EMID1: variants seen among roughly 807,000 people sequenced by gnomAD.
EMID1 encodes EMI domain containing 1.
In EMID1, 40 loss-of-function variants were observed where a neutral mutation model predicts 60.6. The ratio of observed to expected loss-of-function variants is 0.66; its 90% CI spans 0.51 to 0.86. The LOEUF (loss-of-function observed/expected upper bound fraction) is 0.86. Among genes scored for constraint, EMID1 ranks in the 40% least tolerant of loss-of-function variants. The pLI is 0.00. For missense variants in EMID1, 585 were observed against 597.1 expected (o/e 0.98, Z 0.21); for synonymous variants, 242 against 231.0 (o/e 1.05, Z -0.43).
chr22:29,209,882 G>T (rs1196568367), intron 1 of EMID1, among the ~76,000 whole-genome samples: 1 of 152,192 alleles, frequency 6.6e-6, no homozygotes. Context: ...GCTATAGGGA[G>T]TCATGGTGGG....
intron 5 of EMID1, among the ~76,000 whole-genome samples, chr22:29,228,656 T>A (rs2040617420): frequency 6.6e-6 from 1 of 152,234 alleles, no homozygotes; most frequent in African/African-American, 2.4e-5. Context: ...CAATCTGCCG[T>A]GAGTTGGAGC....
intron 1 of EMID1, among the ~76,000 whole-genome samples, 194 bp from the exon 2 acceptor site, chr22:29,214,732 T>G (rs370081010): frequency 4.6e-5 from 7 of 152,002 alleles, no homozygotes; most frequent in African/African-American, 1.7e-4. Flanking sequence ...CCTAGGGCCA[T>G]GACATTCACC....
At chr22:29,217,039 G>A (rs1255725982) in intron 3 of EMID1, among the ~76,000 whole-genome samples, 2 of 152,192 alleles carry the variant, frequency 1.3e-5, no homozygotes, top group African/African-American at 4.8e-5. Flanking sequence ...CCAGCCAGGA[G>A]GGGCAGCTGC....
At chr22:29,230,740 C>A (rs1172738020) in intron 5 of EMID1, among the ~76,000 whole-genome samples, 1 of 152,060 alleles carries the variant, frequency 6.6e-6, no homozygotes, top group African/African-American at 2.4e-5. Context: ...TTGCTTGAGC[C>A]CAGGAGTTCA....
intron 10 of EMID1, 96 bp from the exon 11 acceptor site, chr22:29,234,041 C>T: frequency 7.0e-7 from 1 of 1,430,900 alleles, no homozygotes; most frequent in Non-Finnish European, 9.5e-7. Flanking sequence ...GAGGCCCAGA[C>T]CAAGCTTGAG....
At chr22:29,240,109 G>T (rs916357210) in intron 12 of EMID1, among the ~76,000 whole-genome samples, 45 of 152,210 alleles carry the variant, frequency 3.0e-4, no homozygotes, top group Non-Finnish European at 7.3e-5. Context: ...CACTGCACCT[G>T]GCCTAGGTCT....
chr22:29,259,211 CT>C lies in EMID1; in HGVS notation c.*269del. 2.0e-6 allele frequency: 1 copy of C among 496,972 alleles called. No individual in the cohort carries two copies. Among genetic ancestry groups the C allele is most frequent in the South Asian group, 2.6e-5 (1 of 39,084 alleles). 30.8% of individuals were successfully genotyped at this position (496,972 alleles called of 1,614,324 possible). ...TTCAAGGAGGGATAGAGGTACAAGG[CT>C]TCGTCTCATCTGCTGTCTGAGCATC... is the stretch of plus-strand genomic sequence containing the variant. On this transcript the variant is annotated 3_prime_UTR_variant, in exon 15 of 15. Transcript: ENST00000334018.
chr22:29,231,143 G>C lies in EMID1; in HGVS notation c.586+3G>C. On this transcript the variant is annotated splice_donor_region_variant and intron_variant, in intron 6 of 14. Transcript: ENST00000334018. ...CCCCGGAGATGGAGGCCTCCAGGGT[G>C]AGTGTCAGACTCAGACTCCCCTGTG... is the stretch of plus-strand genomic sequence containing the variant. The C allele has an allele frequency of 6.3e-7, 1 of 1,596,476 alleles. No homozygotes were observed. The highest frequency in any genetic ancestry group is 8.5e-7 in the Non-Finnish European group (1 of 1,172,740).
intron 1 of EMID1, among the ~76,000 whole-genome samples, chr22:29,207,533 A>T (rs2039718711): frequency 6.6e-6 from 1 of 152,206 alleles, no homozygotes; most frequent in African/African-American, 2.4e-5. Flanking sequence ...GATGGTGGCG[A>T]CAGCTTAAGG....
Position 29,250,733 on chromosome 22 carries a change from A to ATTTTTT in EMID1, c.1120-3440_1120-3435dup, listed in dbSNP as rs748172215. ...AGGCATGCACCACCACACCCGGCTA[A>ATTTTTT]TTTTTTTTTTTTTTTTTTTTTTTTT... is the stretch of plus-strand genomic sequence containing the variant. On this transcript the variant is annotated intron_variant, in intron 13 of 14. Transcript: ENST00000334018. Among the ~76,000 whole-genome samples, 56 of 22,488 alleles carry ATTTTTT rather than the reference A, an allele frequency of 2.5e-3. 9 individuals are homozygous for ATTTTTT. Among genetic ancestry groups the ATTTTTT allele is most frequent in the Non-Finnish European group, 4.0e-3 (45 of 11,150 alleles). The allele number at this position is 22,488 out of a possible 152,430, so 14.8% of individuals were successfully genotyped here.
chr22:29,246,804 AT>A (rs1169864814), intron 13 of EMID1, among the ~76,000 whole-genome samples: 4 of 151,850 alleles, frequency 2.6e-5, no homozygotes, highest in Non-Finnish European at 1.5e-5. Flanking sequence ...TTTTCCCCAT[AT>A]TTTTCTTTTT....
chr22:29,233,064 A>T, intron 8 of EMID1: 1 of 383,108 alleles, frequency 2.6e-6, no homozygotes, highest in South Asian at 3.7e-5. Flanking sequence ...GGCACACAGT[A>T]GGTGGTGGAT....
At chr22:29,253,348 C>G (rs1468052528) in intron 13 of EMID1, among the ~76,000 whole-genome samples, 1 of 152,110 alleles carries the variant, frequency 6.6e-6, no homozygotes, top group East Asian at 1.9e-4. Flanking sequence ...TTTGGGAGAC[C>G]GAGGCGGGCA....
At chr22:29,239,422 C>T (rs757771825) in intron 12 of EMID1, among the ~76,000 whole-genome samples, 7 of 152,178 alleles carry the variant, frequency 4.6e-5, no homozygotes, top group Non-Finnish European at 7.4e-5. Context: ...TGAGCCACCA[C>T]GCCCAGGCCT....
intron 13 of EMID1, among the ~76,000 whole-genome samples, chr22:29,244,674 C>T (rs2041269370): frequency 1.3e-5 from 2 of 151,194 alleles, no homozygotes; most frequent in Admixed American, 1.3e-4. Flanking sequence ...AAATAGAAAC[C>T]TTCACAATCA....
chr22:29,231,558 G>A lies in EMID1; in HGVS notation c.587-35G>A, dbSNP rs1416863818. On this transcript the variant is annotated intron_variant, in intron 6 of 14. Transcript: ENST00000334018. Reference sequence around the variant, plus strand: ...GCCAGGGTGGGGGTCAAGAGCAGATGTGGAGCTGCCAGTCTGATATGCTTT... The same window carrying A: ...GCCAGGGTGGGGGTCAAGAGCAGATATGGAGCTGCCAGTCTGATATGCTTT... 3.2e-6 allele frequency: 5 copies of A among 1,546,928 alleles called. No homozygotes were observed. In the South Asian group the frequency reaches 6.0e-5, roughly 18 times the overall value.
intron 14 of EMID1, among the ~76,000 whole-genome samples, chr22:29,257,289 A>T (rs2041738160): frequency 6.6e-6 from 1 of 152,228 alleles, no homozygotes; most frequent in Non-Finnish European, 1.5e-5. Flanking sequence ...CTGAAGACCC[A>T]GATGGGGTTC....
chr22:29,225,045 G>A, intron 3 of EMID1, 88 bp from the exon 4 acceptor site: 1 of 1,359,650 alleles, frequency 7.4e-7, no homozygotes, highest in East Asian at 2.3e-5. Flanking sequence ...GGGCAGTAGG[G>A]GTCCCTGCTG....
intron 12 of EMID1, among the ~76,000 whole-genome samples, chr22:29,238,146 C>T (rs186681862): frequency 7.0e-6 from 1 of 143,062 alleles, no homozygotes; most frequent in Admixed American, 6.9e-5. Context: ...ATGGTTTCTG[C>T]AGAGTTGGTT....
Sources: gnomAD v4.1 joint callset for allele counts (sites outside exome capture counted in the v4.1 genomes callset) on GRCh38, gnomAD v4.1.1 for gene constraint, MANE v1.5 for transcripts, NCBI Gene and HGNC (gene_info 2026-07-23, HGNC 2026-07-21) for gene names.